Variants in DPYD observed in about 807,000 individuals in gnomAD.
The protein encoded by DPYD is dihydropyrimidine dehydrogenase.
In DPYD, 109 loss-of-function variants were observed where a neutral mutation model predicts 116.2. The observed-to-expected ratio is 0.94, with a 90% CI of 0.80 to 1.10. DPYD has a LOEUF of 1.10. Ranked by LOEUF, DPYD falls within the 50% of genes least tolerant of loss-of-function variation. The pLI is 0.00. For missense variants in DPYD, 1,302 were observed against 1,254.5 expected (o/e 1.04, Z -0.57); for synonymous variants, 440 against 432.0 (o/e 1.02, Z -0.23).
intron 20 of DPYD, among the ~76,000 whole-genome samples, chr1:97,190,924 C>T (rs566283762): frequency 7.2e-5 from 11 of 152,206 alleles, no homozygotes; most frequent in Admixed American, 5.2e-4. Context: ...AAGCCAGATA[C>T]TTCTAGAGTG....
intron 1 of DPYD, among the ~76,000 whole-genome samples, chr1:97,918,205 T>C (rs1372926526): frequency 6.6e-6 from 1 of 152,214 alleles, no homozygotes; most frequent in Non-Finnish European, 1.5e-5. Flanking sequence ...TTATCTTTAT[T>C]TTTTAACATT....
rs573209160 is a variant in DPYD, at chr1:97,668,992, C to A, written c.850+10103G>T. Among the ~76,000 whole-genome samples, 5 of 150,696 alleles carry A rather than the reference C, an allele frequency of 3.3e-5. No individual in the cohort carries two copies. In the East Asian group the frequency reaches 7.9e-4, roughly 24 times the overall value. Reference sequence around the variant, plus strand: ...ACCCAAATACCAATATCTTAATCTCCAAATTTAACTTATGAATTAAGAGTT... The same window carrying A: ...ACCCAAATACCAATATCTTAATCTCAAAATTTAACTTATGAATTAAGAGTT... On this transcript the variant is annotated intron_variant, in intron 8 of 22. Coordinates refer to ENST00000370192, the MANE Select transcript of DPYD (RefSeq NM_000110.4).
At chr1:97,882,770 T>C (rs1019847611) in intron 2 of DPYD, among the ~76,000 whole-genome samples, 13 of 152,016 alleles carry the variant, frequency 8.6e-5, no homozygotes, top group East Asian at 3.9e-4. Flanking sequence ...TAGGTGTTCA[T>C]AGAACATCTA....
At chr1:97,675,406 A>C (rs947007769) in intron 8 of DPYD, among the ~76,000 whole-genome samples, 6 of 152,218 alleles carry the variant, frequency 3.9e-5, no homozygotes, top group Admixed American at 3.3e-4. Flanking sequence ...GCTTTATCTC[A>C]GTACTTAGAA....
At chr1:97,548,752 T>A (rs1040848776) in intron 12 of DPYD, among the ~76,000 whole-genome samples, 3 of 151,924 alleles carry the variant, frequency 2.0e-5, no homozygotes, top group Admixed American at 6.6e-5. Flanking sequence ...TATAAAAAAA[T>A]TAAATTTAAT....
chr1:97,129,311 C>T (rs766688676), intron 20 of DPYD, among the ~76,000 whole-genome samples: 1 of 152,134 alleles, frequency 6.6e-6, no homozygotes, highest in Non-Finnish European at 1.5e-5. Context: ...GGTGATCCTC[C>T]TGCCTTGGCC....
At chr1:97,490,504 T>C (rs2101902610) in intron 13 of DPYD, among the ~76,000 whole-genome samples, 1 of 147,866 alleles carries the variant, frequency 6.8e-6, no homozygotes, top group East Asian at 2.0e-4. Flanking sequence ...CTAATAATTA[T>C]ATTAATAATA....
At chr1:97,176,322 A>G (rs1657254281) in intron 20 of DPYD, among the ~76,000 whole-genome samples, 1 of 152,206 alleles carries the variant, frequency 6.6e-6, no homozygotes, top group Admixed American at 6.5e-5. Flanking sequence ...GCATTCTGCC[A>G]TGAAATCTCT....
intron 11 of DPYD, among the ~76,000 whole-genome samples, chr1:97,552,696 T>TA (rs1161853240): frequency 1.3e-5 from 2 of 152,116 alleles, no homozygotes; most frequent in Non-Finnish European, 2.9e-5. Context: ...TCATTTGTAA[T>TA]ATCCAGCTAA....
chr1:97,267,220 T>C (rs1664296849), intron 18 of DPYD, among the ~76,000 whole-genome samples: 1 of 152,204 alleles, frequency 6.6e-6, no homozygotes, highest in African/African-American at 2.4e-5. Flanking sequence ...ATGACTGCCA[T>C]TGTAACTGGT....
chr1:97,373,698 A>G, intron 15 of DPYD, 54 bp from the exon 16 acceptor site: 2 of 1,474,324 alleles, frequency 1.4e-6, no homozygotes, highest in South Asian at 2.3e-5. Flanking sequence ...TTATATACCA[A>G]TAGGCTTTCA....
At chr1:97,581,791 C>T (rs574736238) in intron 10 of DPYD, among the ~76,000 whole-genome samples, 23 of 148,038 alleles carry the variant, frequency 1.6e-4, no homozygotes, top group Admixed American at 9.4e-4. Flanking sequence ...GGAAAAGGTG[C>T]TATATAAGCT....
chr1:97,694,412 A>T (rs1661187481), intron 6 of DPYD, among the ~76,000 whole-genome samples: 1 of 152,228 alleles, frequency 6.6e-6, no homozygotes, highest in African/African-American at 2.4e-5. Flanking sequence ...AAGTGTTTCA[A>T]AGGAGGGAAG....
At chr1:97,886,396 T>C (rs528067125) in intron 1 of DPYD, among the ~76,000 whole-genome samples, 11 of 152,134 alleles carry the variant, frequency 7.2e-5, no homozygotes, top group Admixed American at 5.9e-4. Flanking sequence ...TGTTACTCCA[T>C]CCAGCCCCCA....
intron 3 of DPYD, among the ~76,000 whole-genome samples, chr1:97,784,796 A>G (rs149601207): frequency 9.3e-4 from 142 of 152,338 alleles, no homozygotes; most frequent in Middle Eastern, 3.4e-3. Flanking sequence ...TTGGACTGTC[A>G]TCTATATCAA....
chr1:97,866,422 T>A (rs1671381833), intron 2 of DPYD, among the ~76,000 whole-genome samples: 1 of 151,966 alleles, frequency 6.6e-6, no homozygotes, highest in Non-Finnish European at 1.5e-5. Context: ...AATTTTTATA[T>A]TGTGTGACTG....
In DPYD at chr1:97,391,048, CT is replaced by C. The variant is rs571016808; in HGVS notation, c.1906-8588del. ...TTTGGAGATACCACTTACTTTTCCT[CT>C]TTTTTTTTTTTTTTTTGGTGTTCTT... On this transcript the variant is annotated intron_variant, in intron 14 of 22. Coordinates refer to ENST00000370192, the MANE Select transcript of DPYD (RefSeq NM_000110.4). 5.8e-3 allele frequency among the ~76,000 whole-genome samples: 762 copies of C among 132,424 alleles called. 7 individuals are homozygous for C. Among genetic ancestry groups the C allele is most frequent in the East Asian group, 0.027 (118 of 4,438 alleles). 86.9% of individuals were successfully genotyped at this position (132,424 alleles called of 152,430 possible).
intron 12 of DPYD, among the ~76,000 whole-genome samples, chr1:97,523,620 AT>A (rs1245870334): frequency 2.0e-5 from 3 of 152,028 alleles, no homozygotes; most frequent in Admixed American, 1.3e-4. Flanking sequence ...CCTTCAAAAT[AT>A]TTTTTGCTTC....
intron 18 of DPYD, among the ~76,000 whole-genome samples, chr1:97,289,647 C>T (rs1570438276): frequency 1.3e-5 from 2 of 152,058 alleles, no homozygotes; most frequent in African/African-American, 4.8e-5. Flanking sequence ...ACCCTTCATG[C>T]TAAAAACTCT....
Sources: gnomAD v4.1 joint callset for allele counts (sites outside exome capture counted in the v4.1 genomes callset) on GRCh38, gnomAD v4.1.1 for gene constraint, MANE v1.5 for transcripts, NCBI Gene and HGNC (gene_info 2026-07-23, HGNC 2026-07-21) for gene names.